The following ADAMTS12 variants were observed in gnomAD, a reference collection of about 807,000 sequenced individuals.
ADAMTS12 encodes the protein ADAM metallopeptidase with thrombospondin type 1 motif 12, also known as A disintegrin and metalloproteinase with thrombospondin motifs 12.
Under a neutral mutation model 167.8 loss-of-function variants are expected in ADAMTS12, and 118 were observed. That is an observed-to-expected ratio of 0.70 (90% CI 0.61 to 0.82). The LOEUF is 0.82. Among genes scored for constraint, ADAMTS12 ranks in the 40% least tolerant of loss-of-function variants. The probability of loss-of-function intolerance (pLI) is 0.00; values close to 1 mark genes in which losing one functional copy is unlikely to be tolerated. For synonymous variants in ADAMTS12, 704 were observed against 716.9 expected (o/e 0.98, Z 0.29); for missense variants, 1,916 against 1,998.8 (o/e 0.96, Z 0.79).
chr5:33,848,536 C>T (rs1014936535), intron 2 of ADAMTS12, among the ~76,000 whole-genome samples: 1 of 152,200 alleles, frequency 6.6e-6, no homozygotes, highest in African/African-American at 2.4e-5. Context: ...AAATGTTTCT[C>T]TCCAATCCTG....
intron 20 of ADAMTS12, among the ~76,000 whole-genome samples, chr5:33,556,720 G>C (rs1278233556): frequency 6.6e-6 from 1 of 152,174 alleles, no homozygotes; most frequent in Admixed American, 6.5e-5. Context: ...TTGTCCATCT[G>C]CAAAGATGGA....
At chr5:33,560,949 A>G in intron 20 of ADAMTS12, 78 bp downstream of exon 20, 1 of 1,514,496 alleles carries the variant, frequency 6.6e-7, no homozygotes, top group Non-Finnish European at 8.9e-7. Context: ...GACTTTAGCA[A>G]GTGTTTATAT....
chr5:33,757,644 G>T (rs1270448023), intron 2 of ADAMTS12, among the ~76,000 whole-genome samples: 1 of 152,182 alleles, frequency 6.6e-6, no homozygotes, highest in Non-Finnish European at 1.5e-5. Flanking sequence ...TAATCCCTTT[G>T]TTGGAAAATG....
intron 2 of ADAMTS12, among the ~76,000 whole-genome samples, chr5:33,819,949 G>GTGATTA (rs1276650079): frequency 6.6e-6 from 1 of 152,166 alleles, no homozygotes; most frequent in Non-Finnish European, 1.5e-5. Context: ...TTTTGTATTT[G>GTGATTA]TGATTATCTG....
At chr5:33,533,268 C>T (rs457935) in intron 23 of ADAMTS12, among the ~76,000 whole-genome samples, 73,190 of 152,070 alleles carry the variant, frequency 0.48, 18,756 homozygotes, top group East Asian at 0.78. Context: ...GTTGTTGCTT[C>T]AGTTATATAA....
chr5:33,614,190 C>G, intron 16 of ADAMTS12, 48 bp downstream of exon 16: 1 of 1,598,634 alleles, frequency 6.3e-7, no homozygotes, highest in Non-Finnish European at 8.5e-7. Flanking sequence ...CCTCTACAAA[C>G]TGCTCTGAGG....
intron 22 of ADAMTS12, among the ~76,000 whole-genome samples, chr5:33,542,270 A>C (rs1327021465): frequency 1.3e-5 from 2 of 152,240 alleles, no homozygotes; most frequent in Non-Finnish European, 2.9e-5. Context: ...TAAAGGGACC[A>C]ATTCAACAAG....
chr5:33,773,039 A>G (rs1031226613), intron 2 of ADAMTS12, among the ~76,000 whole-genome samples: 3 of 152,260 alleles, frequency 2.0e-5, no homozygotes, highest in Non-Finnish European at 4.4e-5. Flanking sequence ...AGCTGCAAAT[A>G]CTTTGCAAAC....
At chr5:33,620,854 A>AT (rs1739288189) in intron 14 of ADAMTS12, among the ~76,000 whole-genome samples, 1 of 152,192 alleles carries the variant, frequency 6.6e-6, no homozygotes, top group Non-Finnish European at 1.5e-5. Flanking sequence ...TTTTCAATGT[A>AT]TTTATTGAAA....
At chr5:33,813,752 A>C (rs1385417253) in intron 2 of ADAMTS12, among the ~76,000 whole-genome samples, 4 of 152,236 alleles carry the variant, frequency 2.6e-5, no homozygotes, top group Non-Finnish European at 5.9e-5. Context: ...TTTGTGGGCC[A>C]TGTGAATGGC....
At chr5:33,527,442 A>C in intron 23 of ADAMTS12, 76 bp from the exon 24 acceptor site, 1 of 1,399,800 alleles carries the variant, frequency 7.1e-7, no homozygotes, top group African/African-American at 1.4e-5. Flanking sequence ...ACTTCTATTA[A>C]TGTAAGACTT....
chr5:33,644,615 A>T (rs1733902155), intron 9 of ADAMTS12, among the ~76,000 whole-genome samples: 1 of 152,144 alleles, frequency 6.6e-6, no homozygotes. Context: ...ATAAAAATTC[A>T]ATTTTTGAAA....
rs1314943507 is a variant in ADAMTS12 at position 33,588,779 on chromosome 5, C to G, written c.2685G>C (p.Ser895=). The G allele has an allele frequency of 6.2e-7, 1 of 1,613,602 alleles. No homozygotes were observed. The highest frequency in any genetic ancestry group is 1.3e-5 in the African/African-American group (1 of 74,920). Residue 895 remains serine (S), a synonymous_variant, in exon 18 of 24, where the codon TCG becomes TCC. Transcript: ENST00000504830. ...TCTCCCCGTGGGGCCCGCATGTCGC[C>G]GAGCATGCTTCCCACTCCCCTGCCC... is the stretch of plus-strand genomic sequence containing the variant. The part of the protein sequence containing the change: ...RWWAGEWEAC[S]ATCGPHGEKK...
At chr5:33,784,311 CCT>C (rs1746253497) in intron 2 of ADAMTS12, among the ~76,000 whole-genome samples, 1 of 151,742 alleles carries the variant, frequency 6.6e-6, no homozygotes, top group African/African-American at 2.4e-5. Context: ...AAATATGTCC[CCT>C]CTCACTACTT....
chr5:33,528,774 T>C (rs937515109), intron 23 of ADAMTS12, among the ~76,000 whole-genome samples: 51 of 152,092 alleles, frequency 3.4e-4, no homozygotes, highest in African/African-American at 7.2e-5. Context: ...GGGCCGGGCA[T>C]GGTGGCTCAC....
At chr5:33,689,337 C>T (rs1364172249) in intron 3 of ADAMTS12, among the ~76,000 whole-genome samples, 7 of 151,444 alleles carry the variant, frequency 4.6e-5, no homozygotes, top group African/African-American at 1.5e-4. Context: ...AACTTAGTGG[C>T]ATGGAGATGG....
chr5:33,756,977 T>G (rs1745193404), intron 2 of ADAMTS12, among the ~76,000 whole-genome samples: 1 of 152,238 alleles, frequency 6.6e-6, no homozygotes, highest in Non-Finnish European at 1.5e-5. Flanking sequence ...AGAAGCTGAA[T>G]TTTTAATTTT....
chr5:33,808,648 T>C (rs529077738), intron 2 of ADAMTS12, among the ~76,000 whole-genome samples: 2 of 152,300 alleles, frequency 1.3e-5, no homozygotes, highest in East Asian at 3.9e-4. Context: ...AGGGAAAGCA[T>C]AATTTGTATA....
At chr5:33,794,358 C>G (rs1228055510) in intron 2 of ADAMTS12, among the ~76,000 whole-genome samples, 1 of 152,112 alleles carries the variant, frequency 6.6e-6, no homozygotes, top group Non-Finnish European at 1.5e-5. Flanking sequence ...TTCTTGCAGT[C>G]GATCTGGAGC....
Sources: allele counts gnomAD v4.1 joint callset (sites outside exome capture counted in the v4.1 genomes callset), GRCh38; gene constraint gnomAD v4.1.1; transcripts MANE v1.5; gene names NCBI Gene and HGNC (gene_info 2026-07-23, HGNC 2026-07-21).